The following ESRP1 variants were observed in gnomAD, a reference collection of about 807,000 sequenced individuals.
ESRP1 encodes epithelial splicing regulatory protein 1.
Under a neutral mutation model 81.7 loss-of-function variants are expected in ESRP1, and 33 were observed. The observed-to-expected ratio is 0.40, with a 90% CI of 0.31 to 0.54. ESRP1 has a LOEUF of 0.54. Ranked by LOEUF, ESRP1 falls within the 20% of genes least tolerant of loss-of-function variation. ESRP1 has a pLI of 0.41. For missense variants in ESRP1, 672 were observed against 833.1 expected (o/e 0.81, Z 2.38); for synonymous variants, 320 against 303.3 (o/e 1.06, Z -0.57).
chr8:94,679,497 G>A lies in ESRP1; in HGVS notation c.1820+1126G>A, dbSNP rs149852718. On this transcript the variant is annotated intron_variant, in intron 13 of 15. Transcript: ENST00000433389. The stretch of plus-strand genomic sequence containing the variant: ...GTGTTCTTGTTCCTACAGTGTAATT[G>A]TAGAATATCCACTTCCATCACTACT... 3.0e-3 allele frequency among the ~76,000 whole-genome samples: 455 copies of A among 152,282 alleles called. 2 individuals are homozygous for A. The highest frequency in any genetic ancestry group is 0.011 in the African/African-American group (439 of 41,554).
rs1235430095 is a variant in ESRP1, at chr8:94,641,301, C to A, written c.-18C>A. 8 of 1,605,924 alleles carry A rather than the reference C, an allele frequency of 5.0e-6. No individual in the cohort carries two copies. Among genetic ancestry groups the A allele is most frequent in the Non-Finnish European group, 6.0e-6 (7 of 1,174,176 alleles). ...TACCGCCTCCCGACCCCCCCTCTCC[C>A]CCTCCCCACCTATCGTCATGACGGC... is the stretch of plus-strand genomic sequence containing the variant. On this transcript the variant is annotated 5_prime_UTR_variant, in exon 1 of 16. Coordinates refer to ENST00000433389, the MANE Select transcript of ESRP1 (RefSeq NM_017697.4).
At chr8:94,683,227 A>G (rs1468305564) in intron 13 of ESRP1, among the ~76,000 whole-genome samples, 2 of 151,952 alleles carry the variant, frequency 1.3e-5, no homozygotes, top group African/African-American at 4.8e-5. Context: ...TACAGGCGTA[A>G]GCCACCGCGC....
chr8:94,654,933 G>GA (rs986208851), intron 4 of ESRP1, among the ~76,000 whole-genome samples: 69 of 144,826 alleles, frequency 4.8e-4, no homozygotes, highest in African/African-American at 1.7e-3. Flanking sequence ...AAAAAAAAAA[G>GA]AAAAAAAAAG....
chr8:94,657,175 C>T (rs1468539511), intron 4 of ESRP1, among the ~76,000 whole-genome samples: 1 of 152,158 alleles, frequency 6.6e-6, no homozygotes, highest in African/African-American at 2.4e-5. Flanking sequence ...CTGCCTGTAC[C>T]CTTCCTCATT....
intron 12 of ESRP1, among the ~76,000 whole-genome samples, chr8:94,677,108 C>G (rs73695508): frequency 0.028 from 4,314 of 152,224 alleles, 187 homozygotes; most frequent in African/African-American, 0.097. Context: ...ATGAAAGAGG[C>G]ACTCAAGTTA....
chr8:94,650,361 C>T (rs143275046), intron 4 of ESRP1, among the ~76,000 whole-genome samples: 15 of 152,236 alleles, frequency 9.9e-5, no homozygotes, highest in African/African-American at 3.6e-4. Context: ...TCCTCCCTCT[C>T]CCTTAACCCC....
chr8:94,657,912 A>G (rs1320864937), intron 4 of ESRP1, among the ~76,000 whole-genome samples: 2 of 151,968 alleles, frequency 1.3e-5, no homozygotes, highest in Admixed American at 1.3e-4. Context: ...ACATCACTCA[A>G]TCCCAGTGGT....
chr8:94,666,990 G>T (rs1201004993), intron 9 of ESRP1, among the ~76,000 whole-genome samples: 2 of 152,042 alleles, frequency 1.3e-5, no homozygotes, highest in Non-Finnish European at 2.9e-5. Flanking sequence ...ATCACTTGTG[G>T]TCAAGAGTTC....
intron 4 of ESRP1, among the ~76,000 whole-genome samples, chr8:94,660,904 C>G (rs976860747): frequency 2.5e-4 from 38 of 152,006 alleles, no homozygotes; most frequent in Admixed American, 1.4e-3. Flanking sequence ...TCAGAAATTG[C>G]CACAGCCATC....
chr8:94,698,157 A>G (rs1372961911), intron 15 of ESRP1, among the ~76,000 whole-genome samples: 1 of 152,234 alleles, frequency 6.6e-6, no homozygotes, highest in Non-Finnish European at 1.5e-5. Flanking sequence ...AGTAGCATTA[A>G]GTGTACATTC....
intron 10 of ESRP1, 148 bp downstream of exon 10, chr8:94,668,398 C>A (rs1819129324): frequency 1.4e-6 from 1 of 712,854 alleles, no homozygotes; most frequent in Non-Finnish European, 2.2e-6. Flanking sequence ...ATTCTATAAC[C>A]AAGAGATAGC....
At chr8:94,665,457 A>C (rs1317314507) in intron 9 of ESRP1, among the ~76,000 whole-genome samples, 1 of 152,134 alleles carries the variant, frequency 6.6e-6, no homozygotes. Flanking sequence ...TGAAAAGGTG[A>C]TATGAAGTTG....
chr8:94,690,276 A>ATTTTTTTTTTT lies in ESRP1; in HGVS notation c.1821-2383_1821-2373dup, dbSNP rs373440584. 8.1e-5 allele frequency among the ~76,000 whole-genome samples: 5 copies of ATTTTTTTTTTT among 61,370 alleles called. 1 individual carries two copies. Among genetic ancestry groups the ATTTTTTTTTTT allele is most frequent in the African/African-American group, 2.7e-4 (4 of 14,838 alleles). 40.3% of individuals were successfully genotyped at this position (61,370 alleles called of 152,430 possible). Reference sequence around the variant, plus strand: ...AGGCATGAGCTACAATGCCTGGCTAATTTTTTTTTTTTTTTTTTTTTTTTT... The same window carrying ATTTTTTTTTTT: ...AGGCATGAGCTACAATGCCTGGCTAATTTTTTTTTTTTTTTTTTTTTTTTTTTTTTTTTTTT... On this transcript the variant is annotated intron_variant, in intron 13 of 15. Coordinates refer to ENST00000433389, the MANE Select transcript of ESRP1 (RefSeq NM_017697.4).
rs750366277 is a variant in ESRP1 at position 94,646,147 on chromosome 8, A to G, written c.376-21A>G. Reference sequence around the variant, plus strand: ...GAACCAAATTCACCTAGTTAACATTATCTACCTTGTCCTTCCTCAGAATGT... The same window carrying G: ...GAACCAAATTCACCTAGTTAACATTGTCTACCTTGTCCTTCCTCAGAATGT... On this transcript the variant is annotated intron_variant, in intron 3 of 15. Coordinates refer to ENST00000433389, the MANE Select transcript of ESRP1 (RefSeq NM_017697.4). 5 of 1,433,958 alleles carry G rather than the reference A, an allele frequency of 3.5e-6. No homozygotes were observed. In the East Asian group the frequency reaches 1.2e-4, roughly 33 times the overall value. The allele number at this position is 1,433,958 out of a possible 1,614,324, so 88.8% of individuals were successfully genotyped here.
chr8:94,702,636 A>G (rs1207897956), intron 15 of ESRP1, among the ~76,000 whole-genome samples: 1 of 152,092 alleles, frequency 6.6e-6, no homozygotes, highest in Non-Finnish European at 1.5e-5. Context: ...GGCGCACACC[A>G]CCATGCCTAG....
intron 15 of ESRP1, among the ~76,000 whole-genome samples, chr8:94,697,577 T>A (rs897808380): frequency 6.6e-6 from 1 of 152,252 alleles, no homozygotes; most frequent in Non-Finnish European, 1.5e-5. Flanking sequence ...TGCATGGACA[T>A]ACGACATTTT....
At chr8:94,685,149 A>G (rs912187022) in intron 13 of ESRP1, among the ~76,000 whole-genome samples, 3 of 152,068 alleles carry the variant, frequency 2.0e-5, no homozygotes, top group Admixed American at 6.6e-5. Flanking sequence ...AGTATTACCA[A>G]TGTTTGTATT....
chr8:94,684,491 G>A (rs1014673315), intron 13 of ESRP1, among the ~76,000 whole-genome samples: 1 of 152,136 alleles, frequency 6.6e-6, no homozygotes, highest in Non-Finnish European at 1.5e-5. Flanking sequence ...ACTGACTTTA[G>A]GTTTTACACT....
At chr8:94,687,093 T>C (rs56193547) in intron 13 of ESRP1, among the ~76,000 whole-genome samples, 23,386 of 152,190 alleles carry the variant, frequency 0.15, 2,324 homozygotes, top group Non-Finnish European at 0.22. Context: ...TTTAGAATAT[T>C]ATGTCACTCC....
Sources: allele counts gnomAD v4.1 joint callset (sites outside exome capture counted in the v4.1 genomes callset), GRCh38; gene constraint gnomAD v4.1.1; transcripts MANE v1.5; gene names NCBI Gene and HGNC (gene_info 2026-07-23, HGNC 2026-07-21).